SEC22C: variants seen among roughly 807,000 people sequenced by gnomAD.
The protein encoded by SEC22C is vesicle-trafficking protein SEC22c.
SEC22C carries 29 observed loss-of-function variants against 34.7 expected under a neutral mutation model. The ratio of observed to expected loss-of-function variants is 0.84; its 90% confidence interval spans 0.62 to 1.14. The LOEUF (loss-of-function observed/expected upper bound fraction) is 1.14, where lower values mean the gene tolerates loss of function less well. Ranked by LOEUF, SEC22C falls within the 50% of genes most tolerant of loss-of-function variation. The probability of loss-of-function intolerance (pLI) is 0.00; values close to 1 mark genes in which losing one functional copy is unlikely to be tolerated. For missense variants in SEC22C, 337 were observed against 369.0 expected (o/e 0.91, Z 0.71); for synonymous variants, 117 against 132.8 (o/e 0.88, Z 0.82).
chr3:42,566,157 C>T (rs1352141330), intron 2 of SEC22C, among the ~76,000 whole-genome samples: 2 of 152,140 alleles, frequency 1.3e-5, no homozygotes, highest in African/African-American at 4.8e-5. Flanking sequence ...AAAGGGGCTG[C>T]ACATGTGGGC....
chr3:42,588,408 A>C (rs546905899), intron 1 of SEC22C, among the ~76,000 whole-genome samples: 130 of 152,296 alleles, frequency 8.5e-4, no homozygotes, highest in Middle Eastern at 3.4e-3. Flanking sequence ...TTGTATCAAA[A>C]AACAACAACA....
chr3:42,554,051 G>T (rs1238751944), intron 6 of SEC22C, among the ~76,000 whole-genome samples: 3 of 151,258 alleles, frequency 2.0e-5, no homozygotes, highest in African/African-American at 4.9e-5. Flanking sequence ...GGCCATTCTT[G>T]TTCTGCAAAA....
Position 42,552,962 on chromosome 3 carries a change from C to CA in SEC22C, c.*285_*286insT. On this transcript the variant is annotated 3_prime_UTR_variant, in exon 7 of 7. Transcript: ENST00000264454. ...TAAAAGACCAAAATATTTCCTTTCT[C>CA]TCTTCCAATAAAGCTCTTTCTGGAT... 1 of 1,193,388 alleles carries CA rather than the reference C, an allele frequency of 8.4e-7. No homozygotes were observed. Among genetic ancestry groups the CA allele is most frequent in the Non-Finnish European group, 1.0e-6 (1 of 959,640 alleles). The allele number at this position is 1,193,388 out of a possible 1,614,324, so 73.9% of individuals were successfully genotyped here.
intron 5 of SEC22C, among the ~76,000 whole-genome samples, chr3:42,556,936 T>C (rs2125698140): frequency 6.6e-6 from 1 of 152,302 alleles, no homozygotes; most frequent in East Asian, 1.9e-4. Flanking sequence ...TTGATCAGGC[T>C]GGTCTCAAAC....
At chr3:42,573,709 A>G (rs951679823) in intron 1 of SEC22C, among the ~76,000 whole-genome samples, 1 of 152,192 alleles carries the variant, frequency 6.6e-6, no homozygotes, top group Non-Finnish European at 1.5e-5. Flanking sequence ...AAAGTAAAAA[A>G]TGCAATGGAT....
intron 1 of SEC22C, chr3:42,590,756 A>G: frequency 1.1e-6 from 1 of 875,410 alleles, no homozygotes; most frequent in Non-Finnish European, 1.9e-6. Context: ...CGCTGAGTAT[A>G]GCTCTTGCGC....
At chr3:42,600,858 C>G (rs1164083842) in intron 1 of SEC22C, 4 of 542,798 alleles carry the variant, frequency 7.4e-6, no homozygotes, top group Admixed American at 4.4e-5. Flanking sequence ...TCTTGGCCTC[C>G]TGCGCTGTCG....
rs1208515138 is a variant in SEC22C at position 42,598,929 on chromosome 3, A to ACAGATATC, written c.-28+2030_-28+2031insGATATCTG. Among the ~76,000 whole-genome samples the ACAGATATC allele has an allele frequency of 2.2e-5, 3 of 138,726 alleles. 1 individual carries two copies. The highest frequency in any genetic ancestry group is 8.6e-5 in the African/African-American group (3 of 34,782). 91.0% of individuals were successfully genotyped at this position (138,726 alleles called of 152,430 possible). On this transcript the variant is annotated intron_variant, in intron 1 of 6. Coordinates refer to the SEC22C transcript ENST00000417572. ...AATGTGTATATATATCTATAGATCT[A>ACAGATATC]TAGATATCTAGATATCTGTAGATCT... is the stretch of plus-strand genomic sequence containing the variant.
At chr3:42,591,863 G>A (rs73829243) in intron 1 of SEC22C, among the ~76,000 whole-genome samples, 3,923 of 152,218 alleles carry the variant, frequency 0.026, 69 homozygotes, top group African/African-American at 0.051. Flanking sequence ...AAGCTATGCC[G>A]GCTGATGACA....
At chr3:42,556,043 G>C in intron 5 of SEC22C, 48 bp from the exon 6 acceptor site, 1 of 1,434,326 alleles carries the variant, frequency 7.0e-7, no homozygotes. Flanking sequence ...TAGATGAAAG[G>C]AAACACTGTG....
chr3:42,580,316 C>CA (rs1418176477), intron 1 of SEC22C: 1 of 152,222 alleles, frequency 6.6e-6, no homozygotes, highest in Non-Finnish European at 1.5e-5. Flanking sequence ...TTAGACAAAA[C>CA]AGGCTTCATT....
chr3:42,600,549 T>G lies in SEC22C; in HGVS notation c.-28+411A>C, dbSNP rs987489833. 5 of 82,084 alleles carry G rather than the reference T, an allele frequency of 6.1e-5. 1 individual carries two copies. Among genetic ancestry groups the G allele is most frequent in the African/African-American group, 3.5e-4 (5 of 14,242 alleles). 5.1% of individuals were successfully genotyped at this position (82,084 alleles called of 1,614,324 possible). ...CGAGAGCTCCCCAGACACGCCCCCG[T>G]GCGTACGCCCCCGTGCGTACGCCCC... On this transcript the variant is annotated intron_variant, in intron 1 of 6. Coordinates refer to the SEC22C transcript ENST00000417572.
intron 1 of SEC22C, among the ~76,000 whole-genome samples, chr3:42,581,071 T>G (rs2125730061): frequency 6.6e-6 from 1 of 152,386 alleles, no homozygotes; most frequent in African/African-American, 2.4e-5. Context: ...AAATGTACTT[T>G]CCAGAGGAAA....
At chr3:42,596,005 T>C (rs74377054) in intron 1 of SEC22C, among the ~76,000 whole-genome samples, 4,938 of 152,174 alleles carry the variant, frequency 0.032, 129 homozygotes, top group East Asian at 0.11. Context: ...TTTTCTTCTT[T>C]TTTTTGGTTT....
intron 2 of SEC22C, among the ~76,000 whole-genome samples, chr3:42,567,082 T>A (rs1429455625): frequency 1.3e-5 from 2 of 152,162 alleles, no homozygotes; most frequent in Non-Finnish European, 2.9e-5. Context: ...GGGTAATTTT[T>A]AATTTTTTTG....
chr3:42,596,102 A>G (rs759775592), intron 1 of SEC22C, among the ~76,000 whole-genome samples: 1 of 151,594 alleles, frequency 6.6e-6, no homozygotes, highest in Non-Finnish European at 1.5e-5. Context: ...GCTCACTGCA[A>G]CCTCTACCTC....
chr3:42,577,908 T>G (rs1213553934), intron 1 of SEC22C, among the ~76,000 whole-genome samples: 5 of 151,832 alleles, frequency 3.3e-5, no homozygotes, highest in African/African-American at 1.2e-4. Context: ...AGGCGGAGGT[T>G]GCAGTGCGCC....
At chr3:42,563,056 G>T (rs925457) in intron 3 of SEC22C, among the ~76,000 whole-genome samples, 68,436 of 152,168 alleles carry the variant, frequency 0.45, 17,905 homozygotes, top group African/African-American at 0.72. Flanking sequence ...TGGGGCAGGG[G>T]TCAACAAAAG....
At chr3:42,594,146 G>A (rs1299037075) in intron 1 of SEC22C, among the ~76,000 whole-genome samples, 3 of 152,222 alleles carry the variant, frequency 2.0e-5, no homozygotes, top group Non-Finnish European at 4.4e-5. Context: ...CTGTTATGTG[G>A]AGAATAAAGT....
Sources: allele counts gnomAD v4.1 joint callset (sites outside exome capture counted in the v4.1 genomes callset), GRCh38; gene constraint gnomAD v4.1.1; transcripts MANE v1.5; gene names NCBI Gene and HGNC (gene_info 2026-07-23, HGNC 2026-07-21).